The following WFDC9 variants were observed in gnomAD, a reference collection of about 807,000 sequenced individuals.
WFDC9 encodes WAP four-disulfide core domain 9.
Under a neutral mutation model 9.5 loss-of-function variants are expected in WFDC9, and 9 were observed. That is an observed-to-expected ratio of 0.95 (90% CI 0.57 to 1.65). WFDC9 has a LOEUF of 1.65. Among genes scored for constraint, WFDC9 ranks in the 40% most tolerant of loss-of-function variants. The pLI is 0.00. For missense variants in WFDC9, 87 were observed against 106.7 expected (o/e 0.82, Z 0.81); for synonymous variants, 33 against 32.3 (o/e 1.02, Z -0.07).
chr20:45,630,382 G>T (rs1982332006), intron 1 of WFDC9, among the ~76,000 whole-genome samples: 1 of 152,086 alleles, frequency 6.6e-6, no homozygotes, highest in Non-Finnish European at 1.5e-5. Flanking sequence ...CAAGGAGAGT[G>T]GTGGTGGAAA....
At chr20:45,630,202 A>G (rs1050075942) in intron 1 of WFDC9, among the ~76,000 whole-genome samples, 3 of 151,480 alleles carry the variant, frequency 2.0e-5, no homozygotes, top group African/African-American at 7.3e-5. Flanking sequence ...TCCAGTGGGG[A>G]AAGCAAGACA....
chr20:45,629,971 T>C, intron 1 of WFDC9: 1 of 1,581,888 alleles, frequency 6.3e-7, no homozygotes, highest in Non-Finnish European at 8.6e-7. Context: ...CTGTGTCCAG[T>C]CTGAGTAGGA....
intron 1 of WFDC9, among the ~76,000 whole-genome samples, chr20:45,628,688 G>A (rs1249372273): frequency 6.6e-6 from 1 of 152,198 alleles, no homozygotes; most frequent in African/African-American, 2.4e-5. Flanking sequence ...ACAGAGGAAG[G>A]TGCATAAGGT....
intron 1 of WFDC9, among the ~76,000 whole-genome samples, chr20:45,627,390 A>G (rs1939693179): frequency 6.6e-6 from 1 of 152,154 alleles, no homozygotes; most frequent in Admixed American, 6.6e-5. Flanking sequence ...TTTGAGAAGA[A>G]TTGGTATTAA....
chr20:45,630,050 TAA>T, intron 1 of WFDC9: 2 of 1,161,134 alleles, frequency 1.7e-6, no homozygotes, highest in South Asian at 3.5e-5. Flanking sequence ...GGACTGTCCC[TAA>T]ACCATGGCCC....
chr20:45,629,625 TGACGAAC>T, intron 1 of WFDC9: 2 of 555,458 alleles, frequency 3.6e-6, no homozygotes, highest in South Asian at 3.7e-5. Flanking sequence ...CTATCCCACA[TGACGAAC>T]GACAAGGCCA....
chr20:45,627,231 G>A (rs1982238781), intron 1 of WFDC9, among the ~76,000 whole-genome samples: 1 of 152,090 alleles, frequency 6.6e-6, no homozygotes, highest in African/African-American at 2.4e-5. Context: ...GTATTTTGTT[G>A]AGGATTTTTG....
intron 1 of WFDC9, among the ~76,000 whole-genome samples, chr20:45,618,190 G>C (rs1568653098): frequency 6.6e-6 from 1 of 152,168 alleles, no homozygotes; most frequent in Non-Finnish European, 1.5e-5. Context: ...TTCTGCTGCA[G>C]CTTCCTCACC....
At chr20:45,622,394 A>C (rs1326472215) in intron 1 of WFDC9, among the ~76,000 whole-genome samples, 1 of 152,154 alleles carries the variant, frequency 6.6e-6, no homozygotes, top group Non-Finnish European at 1.5e-5. Context: ...GATCTTTAAT[A>C]GTTCTTTCAT....
At chr20:45,629,970 G>A (rs1600926137) in intron 1 of WFDC9, 1 of 1,582,720 alleles carries the variant, frequency 6.3e-7, no homozygotes, top group Middle Eastern at 2.3e-4. Flanking sequence ...CCTGTGTCCA[G>A]TCTGAGTAGG....
rs371707446 is a variant in WFDC9, at chr20:45,608,838, G to T, written c.92-28C>A. 1.0e-5 allele frequency: 16 copies of T among 1,591,414 alleles called. No individual in the cohort carries two copies. The African/African-American group carries it at 1.8e-4, about 17-fold the overall frequency. The stretch of plus-strand genomic sequence containing the variant: ...GAGATGGAAGAAGTTAGCAGGGTCC[G>T]TCTATTCACAACTCAGACAAGAAAC... On this transcript the variant is annotated intron_variant, in intron 3 of 4. Coordinates refer to ENST00000326000, the MANE Select transcript of WFDC9 (RefSeq NM_147198.4).
chr20:45,623,691 T>A (rs1340974354), intron 1 of WFDC9, among the ~76,000 whole-genome samples: 1 of 152,176 alleles, frequency 6.6e-6, no homozygotes, highest in Non-Finnish European at 1.5e-5. Context: ...TACATAGTGA[T>A]GTTTCAATAT....
At chr20:45,629,633 G>A (rs1426202579) in intron 1 of WFDC9, 5 of 618,036 alleles carry the variant, frequency 8.1e-6, no homozygotes, top group Middle Eastern at 3.1e-4. Context: ...CATGACGAAC[G>A]ACAAGGCCAG....
Position 45,608,777 on chromosome 20 carries a change from C to T in WFDC9, c.125G>A (p.Trp42Ter). Residue 42 changes from tryptophan to a stop codon, truncating the protein, a stop_gained, in exon 4 of 5, where the codon TGG becomes TAG. Coordinates refer to ENST00000326000, the MANE Select transcript of WFDC9 (RefSeq NM_147198.4). LOFTEE classifies it high-confidence loss of function. ...LDMIRETEQC[W>*]VQPPYKYCEK... ...ACAGTACTTATATGGAGGCTGTACC[C>T]AGCACTGCTCAGTTTCTCTTATCAT... 6.2e-7 allele frequency: 1 copy of T among 1,613,552 alleles called. No homozygotes were observed. The highest frequency in any genetic ancestry group is 8.5e-7 in the Non-Finnish European group (1 of 1,179,696).
intron 1 of WFDC9, among the ~76,000 whole-genome samples, chr20:45,627,391 T>C (rs1982243163): frequency 6.6e-6 from 1 of 152,142 alleles, no homozygotes; most frequent in African/African-American, 2.4e-5. Flanking sequence ...TTGAGAAGAA[T>C]TGGTATTAAT....
At chr20:45,624,106 G>A (rs1400982513) in intron 1 of WFDC9, among the ~76,000 whole-genome samples, 1 of 152,050 alleles carries the variant, frequency 6.6e-6, no homozygotes, top group Non-Finnish European at 1.5e-5. Flanking sequence ...GCAGGAGAAT[G>A]GCTTGAACCT....
chr20:45,615,234 G>A (rs945391090), intron 1 of WFDC9, among the ~76,000 whole-genome samples: 3 of 152,174 alleles, frequency 2.0e-5, no homozygotes, highest in African/African-American at 7.2e-5. Context: ...ACCAAATCCA[G>A]CACCAAGTTC....
chr20:45,615,481 C>T (rs1285550829), intron 1 of WFDC9, among the ~76,000 whole-genome samples: 1 of 152,142 alleles, frequency 6.6e-6, no homozygotes, highest in Non-Finnish European at 1.5e-5. Flanking sequence ...TCCTAGGATA[C>T]AGGCATACCT....
intron 1 of WFDC9, among the ~76,000 whole-genome samples, chr20:45,627,394 G>A (rs962996009): frequency 2.6e-5 from 4 of 152,116 alleles, no homozygotes; most frequent in Non-Finnish European, 4.4e-5. Context: ...AGAAGAATTG[G>A]TATTAATTTA....
Sources: allele counts gnomAD v4.1 joint callset (sites outside exome capture counted in the v4.1 genomes callset), GRCh38; gene constraint gnomAD v4.1.1; transcripts MANE v1.5; gene names NCBI Gene and HGNC (gene_info 2026-07-23, HGNC 2026-07-21).